Variants in ZNF674 observed in about 807,000 individuals in gnomAD.
ZNF674 encodes the protein zinc finger family member 674.
A neutral mutation model predicts 7.0 loss-of-function variants in ZNF674; 2 were observed. That is an observed-to-expected ratio of 0.29 (90% CI 0.12 to 0.90). ZNF674 has a LOEUF of 0.90. ZNF674 is among the 40% of genes least tolerant of loss of function. The pLI is 0.57. For missense variants in ZNF674, 297 were observed against 415.5 expected, an observed-to-expected ratio of 0.71 and a Z score of 2.48; for synonymous variants, 103 against 145.2, an observed-to-expected ratio of 0.71 and a Z score of 2.09.
intron 5 of ZNF674, chrX:46,523,158 AAAAT>A (rs1569478276): frequency 2.0e-5 from 5 of 247,817 alleles, no homozygotes; most frequent in Non-Finnish European, 3.8e-5. Context: ...GAAAAACACA[AAAAT>A]AAACACAATC....
intron 5 of ZNF674, among the ~76,000 whole-genome samples, chrX:46,514,048 G>A (rs998677629): frequency 9.0e-6 from 1 of 111,493 alleles, no homozygotes; most frequent in Admixed American, 9.6e-5. Flanking sequence ...CTAGGCAACA[G>A]AGAGAGACCC....
intron 3 of ZNF674, among the ~76,000 whole-genome samples, chrX:46,537,009 G>A (rs1239370451): frequency 1.8e-5 from 2 of 111,817 alleles, no homozygotes; most frequent in Non-Finnish European, 3.8e-5. Flanking sequence ...GGTGGCTCAC[G>A]CCTGTAATCC....
At chrX:46,511,775 G>A (rs1410004296) in intron 5 of ZNF674, among the ~76,000 whole-genome samples, 1 of 112,169 alleles carries the variant, frequency 8.9e-6, no homozygotes, top group Non-Finnish European at 1.9e-5. Flanking sequence ...TATAATCCCA[G>A]CACTTTGGGA....
chrX:46,524,283 T>C (rs938320005), intron 5 of ZNF674, among the ~76,000 whole-genome samples: 1 of 111,563 alleles, frequency 9.0e-6, no homozygotes, highest in Non-Finnish European at 1.9e-5. Flanking sequence ...TTATGACACA[T>C]AGCATAGATG....
chrX:46,527,326 T>C (rs1317899670), intron 5 of ZNF674, among the ~76,000 whole-genome samples: 1 of 109,044 alleles, frequency 9.2e-6, no homozygotes, highest in African/African-American at 3.3e-5. Context: ...TGGCAAAAGA[T>C]TACAACAAAT....
intron 3 of ZNF674, among the ~76,000 whole-genome samples, chrX:46,540,862 G>A (rs756596195): frequency 1.2e-4 from 13 of 109,826 alleles, no homozygotes; most frequent in African/African-American, 4.0e-4. Flanking sequence ...TCAGGAGTTC[G>A]AGACCAGCCT....
In ZNF674 at chrX:46,542,185, T is replaced by C. The variant is rs1470274795; in HGVS notation, c.-29-69A>G. 8.3e-6 allele frequency: 5 copies of C among 602,799 alleles called. No homozygotes were observed. The South Asian group carries it at 1.5e-4, about 18-fold the overall frequency. 49.7% of individuals were successfully genotyped at this position (602,799 alleles called of 1,213,427 possible). Reference sequence around the variant, plus strand: ...CATAAGATCATCATCACCACCCTAATAATAATTACCTTTGCACCCTGGGAA... The same window carrying C: ...CATAAGATCATCATCACCACCCTAACAATAATTACCTTTGCACCCTGGGAA... On this transcript the variant is annotated intron_variant, in intron 2 of 5. Coordinates refer to ENST00000683375, the MANE Select transcript of ZNF674 (RefSeq NM_001190417.2).
At chrX:46,530,921 G>A (rs734039) in intron 3 of ZNF674, among the ~76,000 whole-genome samples, 9 of 107,040 alleles carry the variant, frequency 8.4e-5, no homozygotes, top group Non-Finnish European at 1.5e-4. Context: ...TGAAGCCTCC[G>A]AAAAACCCCA....
chrX:46,516,196 T>G (rs1450710068), intron 5 of ZNF674, among the ~76,000 whole-genome samples: 1 of 112,033 alleles, frequency 8.9e-6, no homozygotes, highest in African/African-American at 3.2e-5. Context: ...CCTCTCCTAC[T>G]GATTATTGCA....
intron 5 of ZNF674, among the ~76,000 whole-genome samples, chrX:46,509,674 C>T (rs1288236713): frequency 1.0e-5 from 1 of 97,352 alleles, no homozygotes; most frequent in Non-Finnish European, 2.1e-5. Context: ...AATAGGAACA[C>T]TTTTACACTG....
At chrX:46,519,266 AG>A (rs770463327) in intron 5 of ZNF674, among the ~76,000 whole-genome samples, 32 of 70,744 alleles carry the variant, frequency 4.5e-4, no homozygotes, top group Middle Eastern at 7.4e-3. Flanking sequence ...AGATAGATAA[AG>A]ATAGATGATA....
intron 5 of ZNF674, among the ~76,000 whole-genome samples, chrX:46,502,269 G>A (rs1339048416): frequency 4.2e-5 from 4 of 94,213 alleles, no homozygotes; most frequent in Non-Finnish European, 8.0e-5. Context: ...TCCCACCACT[G>A]CACCCCAGCC....
intron 5 of ZNF674, among the ~76,000 whole-genome samples, chrX:46,508,354 A>G (rs1022907346): frequency 3.6e-5 from 4 of 112,239 alleles, no homozygotes; most frequent in Non-Finnish European, 7.5e-5. Flanking sequence ...ATAACCTTGG[A>G]TACCAGAATA....
chrX:46,509,840 G>A (rs752321259), intron 5 of ZNF674, among the ~76,000 whole-genome samples: 2,621 of 107,954 alleles, frequency 0.024, 81 homozygotes, highest in African/African-American at 0.083. Context: ...ACATGCACAC[G>A]TATGTTTATT....
At chrX:46,531,737 T>C (rs1394004934) in intron 3 of ZNF674, among the ~76,000 whole-genome samples, 1 of 111,536 alleles carries the variant, frequency 9.0e-6, no homozygotes, top group Non-Finnish European at 1.9e-5. Flanking sequence ...TGAAAGTTAA[T>C]AACCACTAAC....
At chrX:46,514,402 C>A (rs1466258940) in intron 5 of ZNF674, among the ~76,000 whole-genome samples, 1 of 111,456 alleles carries the variant, frequency 9.0e-6, no homozygotes, top group East Asian at 2.8e-4. Flanking sequence ...ATCACACACA[C>A]TCCACAAGCC....
chrX:46,513,335 A>AT (rs1485460009), intron 5 of ZNF674, among the ~76,000 whole-genome samples: 2 of 112,744 alleles, frequency 1.8e-5, no homozygotes, highest in African/African-American at 6.4e-5. Flanking sequence ...TAACTAGTCA[A>AT]TAACATATGA....
rs755777788 is a variant in ZNF674 at position 46,502,305 on chromosome X, C to CA, written c.239-971dup. ...TAGGTGACAGAGCAAGACTCCGTCT[C>CA]AAAAAAAAAAAAAGAAAAGAAAATT... On this transcript the variant is annotated intron_variant, in intron 5 of 5. Coordinates refer to ENST00000683375, the MANE Select transcript of ZNF674 (RefSeq NM_001190417.2). 6.8e-4 allele frequency among the ~76,000 whole-genome samples: 48 copies of CA among 70,776 alleles called. 1 individual carries two copies. Among genetic ancestry groups the CA allele is most frequent in the Admixed American group, 1.9e-3 (11 of 5,917 alleles). 61.5% of individuals were successfully genotyped at this position (70,776 alleles called of 115,157 possible).
At chrX:46,512,500 C>A (rs1941677597) in intron 5 of ZNF674, among the ~76,000 whole-genome samples, 2 of 110,792 alleles carry the variant, frequency 1.8e-5, no homozygotes, top group African/African-American at 3.3e-5. Flanking sequence ...GTGGCTCATG[C>A]CTGTAATCCC....
Sources: allele counts gnomAD v4.1 joint callset (sites outside exome capture counted in the v4.1 genomes callset), GRCh38; gene constraint gnomAD v4.1.1; transcripts MANE v1.5; gene names NCBI Gene and HGNC (gene_info 2026-07-23, HGNC 2026-07-21).